RFC1: variants seen among roughly 807,000 people sequenced by gnomAD.
RFC1 encodes A1 140 kDa subunit.
A neutral mutation model predicts 137.4 loss-of-function variants in RFC1; 37 were observed. That is an observed-to-expected ratio of 0.27 (90% CI 0.21 to 0.35). The LOEUF (loss-of-function observed/expected upper bound fraction) is 0.35. Ranked by LOEUF, RFC1 falls within the 10% of genes least tolerant of loss-of-function variation. The pLI, the probability that RFC1 is intolerant of heterozygous loss-of-function variation, is 1.00. For synonymous variants in RFC1, 429 were observed against 455.7 expected, an observed-to-expected ratio of 0.94 and a Z score of 0.75; for missense variants, 1,205 against 1,358.5, an observed-to-expected ratio of 0.89 and a Z score of 1.78.
At chr4:39,316,149 G>A (rs547314704) in intron 10 of RFC1, among the ~76,000 whole-genome samples, 14 of 152,238 alleles carry the variant, frequency 9.2e-5, no homozygotes, top group African/African-American at 3.4e-4. Flanking sequence ...AGAATCGCTT[G>A]AACCCAAGAG....
chr4:39,354,780 AACTT>A (rs1159056630), intron 1 of RFC1, among the ~76,000 whole-genome samples: 3 of 150,112 alleles, frequency 2.0e-5, no homozygotes, highest in Non-Finnish European at 3.0e-5. Context: ...AAAAGCAACT[AACTT>A]AAAAACATCT....
chr4:39,324,230 T>C (rs900994363), intron 6 of RFC1, among the ~76,000 whole-genome samples: 1 of 151,706 alleles, frequency 6.6e-6, no homozygotes, highest in Non-Finnish European at 1.5e-5. Flanking sequence ...AAAAGTGAAG[T>C]GAAAAAAAAG....
chr4:39,316,093 G>A (rs1368933788), intron 10 of RFC1, among the ~76,000 whole-genome samples: 2 of 151,990 alleles, frequency 1.3e-5, no homozygotes, highest in Non-Finnish European at 2.9e-5. Context: ...AGCCAGGCAT[G>A]GTGGCGCACG....
chr4:39,298,400 G>A lies in RFC1; in HGVS notation c.2808+1621C>T, dbSNP rs560468183. 2.1e-4 allele frequency among the ~76,000 whole-genome samples: 32 copies of A among 151,422 alleles called. No individual in the cohort carries two copies. The South Asian group carries it at 6.5e-3, about 31-fold the overall frequency. On this transcript the variant is annotated intron_variant, in intron 21 of 24. Transcript: ENST00000349703. ...CAATGTGTGAGTGGAATCAAGAGAAGCATTAGGCTTTCTGGAAGCGTCTTA... is the reference window on the plus strand; with the variant it reads ...CAATGTGTGAGTGGAATCAAGAGAAACATTAGGCTTTCTGGAAGCGTCTTA...
intron 3 of RFC1, among the ~76,000 whole-genome samples, chr4:39,345,125 A>C (rs539194879): frequency 6.6e-6 from 1 of 152,058 alleles, no homozygotes; most frequent in African/African-American, 2.4e-5. Context: ...AGCAATTCTC[A>C]TATCTCAGCC....
chr4:39,319,997 G>C (rs1171717019), intron 9 of RFC1, among the ~76,000 whole-genome samples: 1 of 152,134 alleles, frequency 6.6e-6, no homozygotes, highest in Non-Finnish European at 1.5e-5. Context: ...TTAACCACAA[G>C]TAACTGAAAC....
intron 13 of RFC1, chr4:39,307,331 C>T (rs1738724450): frequency 1.3e-5 from 2 of 153,886 alleles, no homozygotes; most frequent in East Asian, 1.9e-4. Flanking sequence ...ACATCATGCT[C>T]AACTCATACT....
chr4:39,309,713 G>T (rs1176117751), intron 12 of RFC1, among the ~76,000 whole-genome samples: 1 of 152,202 alleles, frequency 6.6e-6, no homozygotes, highest in Non-Finnish European at 1.5e-5. Context: ...TCTTTTCAGG[G>T]TGAGGAAAAT....
chr4:39,361,384 T>C (rs1459188703), intron 1 of RFC1, among the ~76,000 whole-genome samples: 2 of 151,924 alleles, frequency 1.3e-5, no homozygotes, highest in African/African-American at 4.8e-5. Context: ...GCGACTGCGT[T>C]TCAATCAATC....
At chr4:39,356,851 C>CA (rs1741504035) in intron 1 of RFC1, among the ~76,000 whole-genome samples, 1 of 152,150 alleles carries the variant, frequency 6.6e-6, no homozygotes. Context: ...GCATGGGTCT[C>CA]AAAAACTTCT....
chr4:39,348,454 GAAAA>G (rs1741005917), intron 2 of RFC1, among the ~76,000 whole-genome samples: 1 of 136,170 alleles, frequency 7.3e-6, no homozygotes, highest in Non-Finnish European at 1.6e-5. Flanking sequence ...GAAAAGAAAA[GAAAA>G]GAAAAGAAAA....
In RFC1 at chr4:39,293,121, A is replaced by G. The variant is rs143730879; in HGVS notation, c.2955-1269T>C. On this transcript the variant is annotated intron_variant, in intron 22 of 24. Coordinates refer to ENST00000349703, the MANE Select transcript of RFC1 (RefSeq NM_002913.5). ...GAAATCTAGACTCACCCTCGCAACT[A>G]TTACCTAGACAAAGAGTTTTTAAAA... 3.4e-3 allele frequency among the ~76,000 whole-genome samples: 520 copies of G among 152,282 alleles called. 4 individuals carry two copies. The highest frequency in any genetic ancestry group is 0.012 in the African/African-American group (491 of 41,556).
chr4:39,345,415 A>T lies in RFC1; in HGVS notation c.194T>A (p.Ile65Asn). ...GAAATTATTACCTGAATCATAGATG[A>T]TCCTCTTTTTCTTGCTTGGTTGCTT... Reference protein sequence around the residue: ...KQKQPSKKKRIIYDSDSESEE... With the variant: ...KQKQPSKKKRNIYDSDSESEE... The change falls in exon 3 of 25, where the codon ATC becomes AAC. Residue 65 changes from isoleucine (I) to asparagine (N), a missense_variant. Physicochemically the swap from Ile to Asn is moderately radical, Grantham distance 149. Transcript: ENST00000349703. The T allele has an allele frequency of 6.2e-7, 1 of 1,613,780 alleles. No homozygotes were observed. Among genetic ancestry groups the T allele is most frequent in the Admixed American group, 1.7e-5 (1 of 59,996 alleles).
At chr4:39,338,026 C>T (rs538569805) in intron 4 of RFC1, among the ~76,000 whole-genome samples, 1 of 152,268 alleles carries the variant, frequency 6.6e-6, no homozygotes, top group Admixed American at 6.5e-5. Context: ...GGTCAATCTT[C>T]GCCAAACAAG....
rs1169375742 is a variant in RFC1 at position 39,287,823 on chromosome 4, C to T, written c.*938G>A. 1.3e-5 allele frequency: 2 copies of T among 152,188 alleles called. No individual in the cohort carries two copies. The highest frequency in any genetic ancestry group is 2.9e-5 in the Non-Finnish European group (2 of 68,042). 9.4% of individuals were successfully genotyped at this position (152,188 alleles called of 1,614,324 possible). On this transcript the variant is annotated 3_prime_UTR_variant, in exon 25 of 25. Transcript: ENST00000349703. ...CTAGATCTCTCAGGGGCAAAGTGAA[C>T]AAAAGCCAGTGTTCATTTTGTCCCC...
intron 4 of RFC1, among the ~76,000 whole-genome samples, chr4:39,339,861 AT>A (rs1295687594): frequency 1.3e-5 from 2 of 152,234 alleles, no homozygotes; most frequent in Non-Finnish European, 2.9e-5. Flanking sequence ...GCCAAATATC[AT>A]TTCCAAATTT....
At chr4:39,351,253 GAAAAAAAAAAAAAAAAAA>G (rs58906519) in intron 2 of RFC1, 77 bp downstream of exon 2, 18 of 315,148 alleles carry the variant, frequency 5.7e-5, no homozygotes, top group South Asian at 1.9e-4. Flanking sequence ...TCTGTCTCAG[GAAAAAAAAAAAAAAAAAA>G]AAAAAAAAAA....
At chr4:39,318,952 T>C (rs920076337) in intron 9 of RFC1, among the ~76,000 whole-genome samples, 5 of 152,334 alleles carry the variant, frequency 3.3e-5, no homozygotes, top group Middle Eastern at 3.4e-3. Context: ...TAGTTCCAAA[T>C]TGGAGATTCA....
intron 6 of RFC1, among the ~76,000 whole-genome samples, chr4:39,324,004 CAG>C (rs936897377): frequency 3.2e-4 from 49 of 152,232 alleles, no homozygotes; most frequent in African/African-American, 1.2e-3. Context: ...TAATGTAACA[CAG>C]AGACATTCTA....
Sources: gnomAD v4.1 joint callset for allele counts (sites outside exome capture counted in the v4.1 genomes callset) on GRCh38, gnomAD v4.1.1 for gene constraint, MANE v1.5 for transcripts, NCBI Gene and HGNC (gene_info 2026-07-23, HGNC 2026-07-21) for gene names.